Variants in ME1 observed in about 807,000 individuals in gnomAD.
The protein encoded by ME1 is malic enzyme 1, also known as NADP-dependent malic enzyme.
In ME1, 74 loss-of-function variants were observed where a neutral mutation model predicts 66.4. The ratio of observed to expected loss-of-function variants is 1.11; its 90% CI spans 0.92 to 1.35. ME1 has a LOEUF of 1.35. ME1 is among the 40% of genes most tolerant of loss of function. The pLI, the probability that ME1 is intolerant of heterozygous loss-of-function variation, is 0.00. For synonymous variants in ME1, 251 were observed against 235.6 expected (o/e 1.07, Z -0.60); for missense variants, 750 against 694.1 (o/e 1.08, Z -0.90).
rs1266475885 is a variant in ME1, at chr6:83,346,354, TA to T, written c.439-21del. On this transcript the variant is annotated intron_variant, in intron 4 of 13. Transcript: ENST00000369705. ...AATGGCCTGGAAGAAAAAGAAAAAT[TA>T]CCTATTAACAAGTTTTCACAAATCC... is the stretch of plus-strand genomic sequence containing the variant. 3 of 1,557,950 alleles carry T rather than the reference TA, an allele frequency of 1.9e-6. No individual in the cohort carries two copies. The highest frequency in any genetic ancestry group is 2.6e-6 in the Non-Finnish European group (3 of 1,150,356).
chr6:83,273,176 CA>C (rs67482208), intron 6 of ME1, among the ~76,000 whole-genome samples: 7,948 of 70,138 alleles, frequency 0.11, 122 homozygotes, highest in Middle Eastern at 0.17. Context: ...GACTCTGCCT[CA>C]AAAAAAAAAA....
At chr6:83,344,913 A>G (rs1562486120) in intron 5 of ME1, among the ~76,000 whole-genome samples, 2 of 151,804 alleles carry the variant, frequency 1.3e-5, no homozygotes, top group East Asian at 1.9e-4. Flanking sequence ...ATAATAATAA[A>G]TAAACTATTT....
At chr6:83,242,966 G>C (rs1267532297) in intron 7 of ME1, among the ~76,000 whole-genome samples, 1 of 152,074 alleles carries the variant, frequency 6.6e-6, no homozygotes, top group Non-Finnish European at 1.5e-5. Context: ...TCAAAAGTCT[G>C]TTAAGAAGGC....
At chr6:83,219,612 A>G (rs1790048974) in intron 12 of ME1, among the ~76,000 whole-genome samples, 1 of 152,088 alleles carries the variant, frequency 6.6e-6, no homozygotes, top group African/African-American at 2.4e-5. Flanking sequence ...GTATGTATGT[A>G]TGTGAAACAG....
At chr6:83,321,652 CA>C (rs1018115611) in intron 5 of ME1, among the ~76,000 whole-genome samples, 12 of 152,240 alleles carry the variant, frequency 7.9e-5, no homozygotes, top group African/African-American at 2.4e-5. Context: ...CAGCCCCAGT[CA>C]GGGTCTTATA....
At chr6:83,219,750 T>A (rs1190264014) in intron 12 of ME1, among the ~76,000 whole-genome samples, 1 of 151,460 alleles carries the variant, frequency 6.6e-6, no homozygotes, top group Non-Finnish European at 1.5e-5. Context: ...ATTTTTTTTT[T>A]TTTTTTTTTG....
chr6:83,216,634 C>T (rs1216267400), intron 12 of ME1, 38 bp from the exon 13 acceptor site: 2 of 1,383,444 alleles, frequency 1.4e-6, no homozygotes, highest in African/African-American at 1.4e-5. Flanking sequence ...GTTTATACTT[C>T]ACACGATACA....
At chr6:83,264,769 T>C (rs1223814613) in intron 6 of ME1, among the ~76,000 whole-genome samples, 4 of 152,174 alleles carry the variant, frequency 2.6e-5, no homozygotes, top group Non-Finnish European at 5.9e-5. Flanking sequence ...GGCTGAGGAA[T>C]TGCTTTTTCT....
intron 6 of ME1, among the ~76,000 whole-genome samples, chr6:83,312,808 G>A (rs757214826): frequency 2.6e-5 from 4 of 151,908 alleles, no homozygotes; most frequent in African/African-American, 7.3e-5. Context: ...GCTGGAGTGC[G>A]GGGTGGTGTG....
At chr6:83,300,921 T>G (rs1767703407) in intron 6 of ME1, among the ~76,000 whole-genome samples, 1 of 152,124 alleles carries the variant, frequency 6.6e-6, no homozygotes, top group Non-Finnish European at 1.5e-5. Context: ...CTGGAAACCA[T>G]CATTCTCATC....
At chr6:83,424,083 C>G (rs1297767240) in intron 1 of ME1, among the ~76,000 whole-genome samples, 3 of 138,752 alleles carry the variant, frequency 2.2e-5, no homozygotes, top group Non-Finnish European at 4.6e-5. Context: ...GATAACAGAG[C>G]AAGACCCTGT....
intron 1 of ME1, among the ~76,000 whole-genome samples, chr6:83,421,673 G>A (rs1364396134): frequency 6.6e-6 from 1 of 152,112 alleles, no homozygotes; most frequent in Admixed American, 6.6e-5. Context: ...GCAATTGATT[G>A]TGTACAAAGA....
chr6:83,376,973 T>A (rs536746757), intron 3 of ME1, among the ~76,000 whole-genome samples: 1 of 152,276 alleles, frequency 6.6e-6, no homozygotes, highest in Non-Finnish European at 1.5e-5. Flanking sequence ...CATCAAGGAA[T>A]GAAATCTGTA....
chr6:83,358,355 G>A (rs1013945504), intron 3 of ME1, among the ~76,000 whole-genome samples: 2 of 152,032 alleles, frequency 1.3e-5, no homozygotes, highest in Non-Finnish European at 2.9e-5. Flanking sequence ...AAGCTGGTTG[G>A]TTGCTCCTAA....
chr6:83,320,344 A>G (rs1362098998), intron 5 of ME1, among the ~76,000 whole-genome samples: 3 of 152,246 alleles, frequency 2.0e-5, no homozygotes, highest in Admixed American at 2.0e-4. Context: ...TCCTGTTGTA[A>G]TTAGTAATGG....
rs370996673 is a variant in ME1 at position 83,211,923 on chromosome 6, C to A, written c.*1G>T. The A allele has an allele frequency of 6.3e-6, 10 of 1,576,972 alleles. No individual in the cohort carries two copies. The highest frequency in any genetic ancestry group is 8.6e-6 in the Non-Finnish European group (10 of 1,160,478). On this transcript the variant is annotated 3_prime_UTR_variant, in exon 14 of 14. Transcript: ENST00000369705. ...TAGAGTTAGAAATGTTTGCTATTAT[C>A]CTACTGGTCAACTTTGGTCTGTATT...
At chr6:83,396,309 T>C (rs1477663095) in intron 3 of ME1, among the ~76,000 whole-genome samples, 1 of 151,960 alleles carries the variant, frequency 6.6e-6, no homozygotes, top group Non-Finnish European at 1.5e-5. Flanking sequence ...GGTTGCAGTG[T>C]GCCAAGATCA....
chr6:83,243,590 A>C (rs2128526536), intron 7 of ME1, among the ~76,000 whole-genome samples: 1 of 93,016 alleles, frequency 1.1e-5, no homozygotes, highest in East Asian at 2.9e-4. Context: ...TTATATCGAT[A>C]TAATCTATTA....
At chr6:83,346,784 ATCC>A (rs916335978) in intron 4 of ME1, among the ~76,000 whole-genome samples, 28 of 152,126 alleles carry the variant, frequency 1.8e-4, no homozygotes, top group South Asian at 4.1e-4. Context: ...TCCTGGCCCT[ATCC>A]TCCTATTTTT....
Sources: allele counts gnomAD v4.1 joint callset (sites outside exome capture counted in the v4.1 genomes callset), GRCh38; gene constraint gnomAD v4.1.1; transcripts MANE v1.5; gene names NCBI Gene and HGNC (gene_info 2026-07-23, HGNC 2026-07-21).